SLC14A2: variants seen among roughly 807,000 people sequenced by gnomAD.
The protein encoded by SLC14A2 is solute carrier family 14 member 2.
In SLC14A2, 91 loss-of-function variants were observed where a neutral mutation model predicts 104.6. That is an observed-to-expected ratio of 0.87 (90% CI 0.73 to 1.04). The LOEUF (loss-of-function observed/expected upper bound fraction) is 1.04. Among genes scored for constraint, SLC14A2 ranks in the 50% least tolerant of loss-of-function variants. SLC14A2 has a pLI of 0.00. For synonymous variants in SLC14A2, 476 were observed against 466.4 expected, an observed-to-expected ratio of 1.02 and a Z score of -0.27; for missense variants, 1,189 against 1,156.0, an observed-to-expected ratio of 1.03 and a Z score of -0.41.
intron 1 of SLC14A2, among the ~76,000 whole-genome samples, chr18:45,443,216 TAGG>T (rs2086708795): frequency 6.6e-6 from 1 of 152,216 alleles, no homozygotes; most frequent in African/African-American, 2.4e-5. Context: ...GGCAAACTAA[TAGG>T]AGAAGAGGCA....
intron 1 of SLC14A2, among the ~76,000 whole-genome samples, chr18:45,332,104 G>T (rs778032667): frequency 1.3e-4 from 20 of 152,138 alleles, no homozygotes; most frequent in Non-Finnish European, 2.5e-4. Context: ...CTGAAGTTAA[G>T]GGAAGCTGTA....
At chr18:45,446,222 G>A (rs940229661) in intron 1 of SLC14A2, among the ~76,000 whole-genome samples, 1 of 152,180 alleles carries the variant, frequency 6.6e-6, no homozygotes, top group African/African-American at 2.4e-5. Context: ...TCATTGTTAT[G>A]GATAGAATGT....
intron 1 of SLC14A2, among the ~76,000 whole-genome samples, chr18:45,297,175 G>T (rs1316686936): frequency 6.6e-6 from 1 of 152,242 alleles, no homozygotes; most frequent in Non-Finnish European, 1.5e-5. Flanking sequence ...GTGATGTGTA[G>T]ATAGTCTGTT....
chr18:45,386,716 G>A (rs1020114228), intron 1 of SLC14A2, among the ~76,000 whole-genome samples: 9 of 152,312 alleles, frequency 5.9e-5, no homozygotes, highest in South Asian at 2.1e-4. Flanking sequence ...GGGCCAGGCC[G>A]GAATTTGAGC....
chr18:45,663,849 C>G lies in SLC14A2; in HGVS notation c.1416C>G (p.Leu472=). 1.2e-6 allele frequency: 2 copies of G among 1,613,144 alleles called. No homozygotes were observed. Among genetic ancestry groups the G allele is most frequent in the Non-Finnish European group, 1.7e-6 (2 of 1,179,612 alleles). Residue 472 remains leucine, a synonymous_variant, in exon 11 of 20, where the codon CTC becomes CTG. Coordinates refer to ENST00000255226, the MANE Select transcript of SLC14A2 (RefSeq NM_007163.4). Reference sequence around the variant, plus strand: ...TGGAGGAGGGCTCGGAGGCTGTGCTCTCCAAGCACAGGAGTGTATTTCACA... The same window carrying G: ...TGGAGGAGGGCTCGGAGGCTGTGCTGTCCAAGCACAGGAGTGTATTTCACA... ...PKVEEGSEAV[L]SKHRSVFHIE...
intron 1 of SLC14A2, among the ~76,000 whole-genome samples, chr18:45,274,142 C>CT (rs2084678232): frequency 6.6e-6 from 1 of 152,116 alleles, no homozygotes; most frequent in Admixed American, 6.6e-5. Context: ...ACCCACAACT[C>CT]TGAGATCTTC....
chr18:45,396,635 T>G, intron 1 of SLC14A2, among the ~76,000 whole-genome samples: 1 of 151,544 alleles, frequency 6.6e-6, no homozygotes, highest in Non-Finnish European at 1.5e-5. Flanking sequence ...TTGTTTTTGT[T>G]TTTTTTCTTT....
At chr18:45,590,512 G>A (rs184620870) in intron 2 of SLC14A2, among the ~76,000 whole-genome samples, 186 of 152,276 alleles carry the variant, frequency 1.2e-3, no homozygotes, top group South Asian at 2.3e-3. Context: ...TCTGGAAACC[G>A]CCACAGGACA....
chr18:45,538,318 C>A (rs2043827418), intron 2 of SLC14A2, among the ~76,000 whole-genome samples: 1 of 152,220 alleles, frequency 6.6e-6, no homozygotes. Context: ...ATTTCCAAAC[C>A]CACTACATTC....
In SLC14A2 at chr18:45,251,122, A is replaced by G. The variant is rs1415271182; in HGVS notation, c.-125+37931A>G. On this transcript the variant is annotated intron_variant, in intron 1 of 20. Transcript: ENST00000586448. ...TGATTTGTGAGATTTTGGTGTACCC[A>G]TCACCCAAGCAGTATACACTGAACC... Among the ~76,000 whole-genome samples the G allele has an allele frequency of 2.0e-5, 3 of 152,180 alleles. No individual in the cohort carries two copies. The East Asian group carries it at 5.8e-4, about 29-fold the overall frequency.
chr18:45,512,375 T>G (rs1280871093), intron 2 of SLC14A2, among the ~76,000 whole-genome samples: 8 of 151,542 alleles, frequency 5.3e-5, no homozygotes, highest in Non-Finnish European at 1.2e-4. Flanking sequence ...GGGAGAAGAG[T>G]CCTTTCTCAG....
At chr18:45,678,464 C>A (rs2144663945) in intron 18 of SLC14A2, among the ~76,000 whole-genome samples, 1 of 152,132 alleles carries the variant, frequency 6.6e-6, no homozygotes, top group Middle Eastern at 3.4e-3. Context: ...TCCCCTGTTG[C>A]CAGCACTGGG....
chr18:45,510,449 T>C (rs1441366725), intron 2 of SLC14A2, among the ~76,000 whole-genome samples: 8 of 152,170 alleles, frequency 5.3e-5, no homozygotes, highest in Admixed American at 2.0e-4. Flanking sequence ...ATGCGGCTCC[T>C]ACTGTGGAGG....
At position 45,472,702 on chromosome 18, in the gene SLC14A2, C is replaced by T. The variant is rs1285336338; in HGVS notation, c.-124-10531C>T. Reference sequence around the variant, plus strand: ...TTGAGAAGTGTCTGTCCATATCCTTCGCCCATTTTTTGATGGGGTTGTGTG... The same window carrying T: ...TTGAGAAGTGTCTGTCCATATCCTTTGCCCATTTTTTGATGGGGTTGTGTG... On this transcript the variant is annotated intron_variant, in intron 1 of 20. Transcript: ENST00000586448. 3.7e-4 allele frequency among the ~76,000 whole-genome samples: 56 copies of T among 152,042 alleles called. 1 individual carries two copies. Among genetic ancestry groups the T allele is most frequent in the Admixed American group, 3.5e-3 (53 of 15,264 alleles).
chr18:45,283,260 A>G (rs562715109), intron 1 of SLC14A2, among the ~76,000 whole-genome samples: 3 of 148,738 alleles, frequency 2.0e-5, no homozygotes, highest in South Asian at 4.3e-4. Context: ...AGTGGAAGCT[A>G]TTAAAAACTA....
intron 1 of SLC14A2, among the ~76,000 whole-genome samples, chr18:45,359,705 A>G (rs1568166538): frequency 6.6e-6 from 1 of 152,214 alleles, no homozygotes; most frequent in Non-Finnish European, 1.5e-5. Context: ...CTCTCAAACC[A>G]GGCAGCAGCC....
chr18:45,640,117 A>G (rs1273242646), intron 7 of SLC14A2, among the ~76,000 whole-genome samples: 2 of 152,080 alleles, frequency 1.3e-5, no homozygotes, highest in Non-Finnish European at 2.9e-5. Flanking sequence ...AAGAAAAAAA[A>G]GTACAAAAAT....
chr18:45,531,392 C>T (rs2043684397), intron 2 of SLC14A2, among the ~76,000 whole-genome samples: 1 of 152,210 alleles, frequency 6.6e-6, no homozygotes, highest in South Asian at 2.1e-4. Flanking sequence ...GATCGCCATT[C>T]TAACTGGTGT....
intron 2 of SLC14A2, among the ~76,000 whole-genome samples, chr18:45,505,487 C>T (rs535277446): frequency 1.3e-5 from 2 of 152,312 alleles, no homozygotes; most frequent in East Asian, 3.9e-4. Context: ...TTTCTTGCTT[C>T]CTATGGGACC....
Sources: gnomAD v4.1 joint callset for allele counts (sites outside exome capture counted in the v4.1 genomes callset) on GRCh38, gnomAD v4.1.1 for gene constraint, MANE v1.5 for transcripts, NCBI Gene and HGNC (gene_info 2026-07-23, HGNC 2026-07-21) for gene names.